Variants in PRORP observed in about 807,000 individuals in gnomAD.
The protein encoded by PRORP is protein only RNase P catalytic subunit.
Under a neutral mutation model 59.4 loss-of-function variants are expected in PRORP, and 51 were observed. The ratio of observed to expected loss-of-function variants is 0.86; its 90% CI spans 0.69 to 1.08. The LOEUF is 1.08. PRORP is among the 50% of genes least tolerant of loss of function. The pLI is 0.00. For synonymous variants in PRORP, 231 were observed against 245.6 expected (o/e 0.94, Z 0.55); for missense variants, 646 against 690.3 (o/e 0.94, Z 0.72).
At chr14:35,258,129 T>A (rs573900720) in intron 5 of PRORP, among the ~76,000 whole-genome samples, 1 of 152,176 alleles carries the variant, frequency 6.6e-6, no homozygotes, top group African/African-American at 2.4e-5. Context: ...ACCAGAAAAA[T>A]TCAAACCAAA....
intron 5 of PRORP, among the ~76,000 whole-genome samples, chr14:35,214,447 C>G (rs1220713961): frequency 2.0e-5 from 3 of 152,148 alleles, no homozygotes; most frequent in Non-Finnish European, 4.4e-5. Context: ...TGCTTATCTT[C>G]TGTTGCATCT....
At chr14:35,159,115 C>T (rs1427216170) in intron 4 of PRORP, 1 of 190,972 alleles carries the variant, frequency 5.2e-6, no homozygotes, top group African/African-American at 2.4e-5. Flanking sequence ...TCATTCTTTT[C>T]AAAACACTGA....
At chr14:35,205,544 A>T (rs1330315391) in intron 5 of PRORP, among the ~76,000 whole-genome samples, 2 of 151,940 alleles carry the variant, frequency 1.3e-5, no homozygotes, top group Non-Finnish European at 2.9e-5. Flanking sequence ...CTGGTCTCGA[A>T]CTCCTGGGCT....
chr14:35,130,161 G>A (rs2047203528), intron 4 of PRORP, among the ~76,000 whole-genome samples: 1 of 151,614 alleles, frequency 6.6e-6, no homozygotes, highest in Non-Finnish European at 1.5e-5. Context: ...CTCCCGAGTA[G>A]CTGGGACTAC....
chr14:35,216,828 A>G (rs2049609854), intron 5 of PRORP, among the ~76,000 whole-genome samples: 1 of 152,092 alleles, frequency 6.6e-6, no homozygotes, highest in South Asian at 2.1e-4. Flanking sequence ...TGTCTTTTTT[A>G]TTATAGTCGT....
chr14:35,127,712 G>A, intron 4 of PRORP, 101 bp downstream of exon 4: 1 of 1,256,922 alleles, frequency 8.0e-7, no homozygotes, highest in Non-Finnish European at 1.1e-6. Flanking sequence ...GGCTTTGTAG[G>A]TCATCGGTCC....
chr14:35,129,739 A>C (rs1449938192), intron 4 of PRORP, among the ~76,000 whole-genome samples: 1 of 151,412 alleles, frequency 6.6e-6, no homozygotes, highest in African/African-American at 2.4e-5. Flanking sequence ...TCAGCCTCCC[A>C]AAGTGCTGGG....
At chr14:35,148,186 T>C (rs1375552032) in intron 4 of PRORP, among the ~76,000 whole-genome samples, 1 of 152,258 alleles carries the variant, frequency 6.6e-6, no homozygotes, top group Non-Finnish European at 1.5e-5. Flanking sequence ...AAGTTTTCCG[T>C]TGACTTTGCC....
intron 4 of PRORP, among the ~76,000 whole-genome samples, chr14:35,164,538 G>T (rs553127720): frequency 6.6e-6 from 1 of 152,258 alleles, no homozygotes; most frequent in Non-Finnish European, 1.5e-5. Flanking sequence ...TTCAGTAAGA[G>T]AAAAGCAGAT....
intron 5 of PRORP, among the ~76,000 whole-genome samples, chr14:35,182,219 T>G (rs946450997): frequency 6.6e-6 from 1 of 152,004 alleles, no homozygotes; most frequent in Non-Finnish European, 1.5e-5. Context: ...TGAGCTGAGA[T>G]CATGTCACTG....
chr14:35,182,319 C>G (rs1213377657), intron 5 of PRORP, among the ~76,000 whole-genome samples: 1 of 151,700 alleles, frequency 6.6e-6, no homozygotes, highest in Non-Finnish European at 1.5e-5. Flanking sequence ...AGCAAATTTC[C>G]TCACTGTATC....
At chr14:35,261,294 T>C (rs769785149) in intron 5 of PRORP, among the ~76,000 whole-genome samples, 1 of 152,184 alleles carries the variant, frequency 6.6e-6, no homozygotes, top group East Asian at 1.9e-4. Flanking sequence ...TCTTCTTATG[T>C]TTATTTTATA....
intron 4 of PRORP, among the ~76,000 whole-genome samples, chr14:35,153,245 T>C (rs1306611108): frequency 1.3e-5 from 2 of 152,154 alleles, no homozygotes; most frequent in East Asian, 3.9e-4. Context: ...CAAAAACCAG[T>C]CAGGCGTGGC....
At chr14:35,135,057 T>A (rs988166576) in intron 4 of PRORP, among the ~76,000 whole-genome samples, 3 of 152,206 alleles carry the variant, frequency 2.0e-5, no homozygotes, top group African/African-American at 7.2e-5. Context: ...CTTTCTGCTA[T>A]AACAGGGCAG....
intron 5 of PRORP, among the ~76,000 whole-genome samples, chr14:35,248,764 G>A (rs887903704): frequency 2.0e-5 from 3 of 152,240 alleles, no homozygotes; most frequent in Non-Finnish European, 2.9e-5. Flanking sequence ...GAAATACAGT[G>A]TCACTCTATG....
At chr14:35,267,546 G>A (rs2051072063) in intron 6 of PRORP, among the ~76,000 whole-genome samples, 1 of 152,172 alleles carries the variant, frequency 6.6e-6, no homozygotes, top group South Asian at 2.1e-4. Context: ...CACTTTGGGA[G>A]GCCGAGGCGG....
At chr14:35,168,925 G>T (rs1038458267) in intron 4 of PRORP, among the ~76,000 whole-genome samples, 11 of 150,034 alleles carry the variant, frequency 7.3e-5, no homozygotes, top group Non-Finnish European at 1.6e-4. Flanking sequence ...GTGAAATAGG[G>T]ATTGAGGTTC....
chr14:35,184,367 G>T (rs952955794), intron 5 of PRORP, among the ~76,000 whole-genome samples: 1 of 152,074 alleles, frequency 6.6e-6, no homozygotes, highest in African/African-American at 2.4e-5. Context: ...ATTCATGTCA[G>T]TAGAAACTTG....
intron 7 of PRORP, among the ~76,000 whole-genome samples, chr14:35,271,016 G>A (rs1399507166): frequency 6.6e-6 from 1 of 151,882 alleles, no homozygotes. Flanking sequence ...GAACCCTGGA[G>A]ACAGAGCTTG....
Sources: allele counts gnomAD v4.1 joint callset (sites outside exome capture counted in the v4.1 genomes callset), GRCh38; gene constraint gnomAD v4.1.1; transcripts MANE v1.5; gene names NCBI Gene and HGNC (gene_info 2026-07-23, HGNC 2026-07-21).